Variants in RBFOX1 observed in about 807,000 individuals in gnomAD.
RBFOX1 encodes RNA binding protein fox-1 homolog 1.
In RBFOX1, 8 loss-of-function variants were observed where a neutral mutation model predicts 57.7. That is an observed-to-expected ratio of 0.14 (90% CI 0.08 to 0.25). The LOEUF is 0.25. Ranked by LOEUF, RBFOX1 falls within the 10% of genes least tolerant of loss-of-function variation. The pLI is 1.00. For synonymous variants in RBFOX1, 326 were observed against 222.4 expected (o/e 1.47, Z -4.15); for missense variants, 611 against 548.5 (o/e 1.11, Z -1.14).
chr16:6,195,728 A>G (rs1466804377), intron 1 of RBFOX1, among the ~76,000 whole-genome samples: 2 of 142,290 alleles, frequency 1.4e-5, no homozygotes, highest in African/African-American at 2.6e-5. Context: ...TTTAAAAAAG[A>G]AAAAAAAAAA....
chr16:5,790,156 G>C lies in RBFOX1; in HGVS notation c.319-77147G>C, dbSNP rs143783862. 5.9e-3 allele frequency among the ~76,000 whole-genome samples: 901 copies of C among 152,336 alleles called. 8 individuals are homozygous for C. Among genetic ancestry groups the C allele is most frequent in the Middle Eastern group, 0.02 (6 of 294 alleles). On this transcript the variant is annotated intron_variant, in intron 3 of 19. Transcript: ENST00000641259. The stretch of plus-strand genomic sequence containing the variant: ...AAAGAGTGCGAGGGTCTCACATGGA[G>C]AATTTGGACAGGCTGGACCTGAAAG...
At chr16:7,423,004 C>T (rs1221871719) in intron 4 of RBFOX1, 1 of 152,246 alleles carries the variant, frequency 6.6e-6, no homozygotes, top group African/African-American at 2.4e-5. Flanking sequence ...CACCCAACCT[C>T]GTGCCGGCTG....
intron 3 of RBFOX1, among the ~76,000 whole-genome samples, chr16:7,020,698 G>C (rs1029088834): frequency 6.6e-6 from 1 of 152,154 alleles, no homozygotes; most frequent in Non-Finnish European, 1.5e-5. Flanking sequence ...TCACACTGCA[G>C]AGGGAAGAGG....
At chr16:5,957,362 G>T (rs7199143) in intron 4 of RBFOX1, among the ~76,000 whole-genome samples, 397 of 152,190 alleles carry the variant, frequency 2.6e-3, no homozygotes, top group African/African-American at 9.1e-3. Context: ...TTATAGGCAT[G>T]TGCCACCATG....
At chr16:6,894,185 T>G (rs1793208906) in intron 3 of RBFOX1, among the ~76,000 whole-genome samples, 1 of 152,222 alleles carries the variant, frequency 6.6e-6, no homozygotes, top group African/African-American at 2.4e-5. Context: ...GTCTGTCCTT[T>G]TTATTCAAAG....
At chr16:6,554,815 GACACACAGAC>G (rs2097066445) in intron 2 of RBFOX1, among the ~76,000 whole-genome samples, 1 of 150,390 alleles carries the variant, frequency 6.6e-6, no homozygotes. Flanking sequence ...TAAACACACA[GACACACAGAC>G]ACACACAGAC....
At chr16:7,049,344 A>T (rs1019732289) in intron 3 of RBFOX1, among the ~76,000 whole-genome samples, 1 of 152,176 alleles carries the variant, frequency 6.6e-6, no homozygotes, top group Non-Finnish European at 1.5e-5. Flanking sequence ...ACAGTCCTAG[A>T]TGTTAAGTGT....
chr16:6,863,675 A>AC (rs1448639975), intron 3 of RBFOX1, among the ~76,000 whole-genome samples: 1 of 147,092 alleles, frequency 6.8e-6, no homozygotes, highest in African/African-American at 2.5e-5. Context: ...TTCCTTAAAA[A>AC]AAAAAAAAGA....
intron 10 of RBFOX1, among the ~76,000 whole-genome samples, chr16:7,623,349 A>G (rs1335638999): frequency 6.6e-6 from 1 of 152,142 alleles, no homozygotes; most frequent in Non-Finnish European, 1.5e-5. Context: ...AATTAATTAT[A>G]CAACTTGCCA....
At chr16:6,556,537 C>T (rs559804074) in intron 2 of RBFOX1, among the ~76,000 whole-genome samples, 4 of 152,120 alleles carry the variant, frequency 2.6e-5, no homozygotes, top group Non-Finnish European at 4.4e-5. Flanking sequence ...CAATGAAAGA[C>T]GAATCAGCCA....
intron 2 of RBFOX1, among the ~76,000 whole-genome samples, chr16:6,540,535 C>A (rs1231042904): frequency 1.4e-5 from 2 of 143,356 alleles, no homozygotes; most frequent in East Asian, 4.4e-4. Flanking sequence ...TCGCTTGAAC[C>A]TGGGAGGCCG....
chr16:7,122,284 A>G (rs1241333298), intron 4 of RBFOX1, among the ~76,000 whole-genome samples: 1 of 152,122 alleles, frequency 6.6e-6, no homozygotes, highest in Non-Finnish European at 1.5e-5. Context: ...TATATTTTGA[A>G]CTCTCAAAAC....
intron 5 of RBFOX1, among the ~76,000 whole-genome samples, chr16:7,559,628 T>C (rs1292280174): frequency 2.0e-5 from 3 of 152,222 alleles, no homozygotes; most frequent in Admixed American, 6.5e-5. Context: ...TAAACAGTGA[T>C]TGTGCTTTCC....
At chr16:6,380,045 G>A (rs1284024933) in intron 2 of RBFOX1, among the ~76,000 whole-genome samples, 1 of 152,198 alleles carries the variant, frequency 6.6e-6, no homozygotes, top group African/African-American at 2.4e-5. Context: ...GGGGTGTAAG[G>A]AAGTCCGTAG....
intron 2 of RBFOX1, among the ~76,000 whole-genome samples, chr16:6,418,062 G>C (rs1188079072): frequency 6.6e-6 from 1 of 152,202 alleles, no homozygotes; most frequent in Non-Finnish European, 1.5e-5. Flanking sequence ...AACCCAGAGG[G>C]TTCCCTCAGG....
In RBFOX1 at chr16:5,590,067, ACACACACAC is replaced by A. The variant is rs1254995741; in HGVS notation, c.259-8834_259-8826del. Among the ~76,000 whole-genome samples, 7 of 144,052 alleles carry A rather than the reference ACACACACAC, an allele frequency of 4.9e-5. No homozygotes were observed. In the East Asian group the frequency reaches 1.5e-3, roughly 31 times the overall value. 94.5% of individuals were successfully genotyped at this position (144,052 alleles called of 152,430 possible). A position where few individuals can be genotyped will look rare whatever the true frequency, so the allele number is the denominator to read the frequency against. On this transcript the variant is annotated intron_variant, in intron 2 of 2. Coordinates refer to the RBFOX1 transcript ENST00000585867. ...GTGTTACACACACACACACACACAC[ACACACACAC>A]AAAAAGGGCAGCAGGTGTTATTTGG...
intron 1 of RBFOX1, among the ~76,000 whole-genome samples, chr16:5,360,620 A>G (rs1182852214): frequency 6.6e-6 from 1 of 152,212 alleles, no homozygotes; most frequent in Non-Finnish European, 1.5e-5. Context: ...GGTAAAAATT[A>G]GAGTCTTTGG....
chr16:6,698,951 A>G (rs1409186204), intron 3 of RBFOX1, among the ~76,000 whole-genome samples: 1 of 152,222 alleles, frequency 6.6e-6, no homozygotes, highest in East Asian at 1.9e-4. Flanking sequence ...CGAAGACTCT[A>G]GAACAAGGGG....
At chr16:7,247,487 G>T (rs1413535943) in intron 4 of RBFOX1, among the ~76,000 whole-genome samples, 1 of 152,170 alleles carries the variant, frequency 6.6e-6, no homozygotes, top group Admixed American at 6.5e-5. Context: ...CTCAGTAAAT[G>T]TTAGCTAAAG....
Sources: allele counts gnomAD v4.1 joint callset (sites outside exome capture counted in the v4.1 genomes callset), GRCh38; gene constraint gnomAD v4.1.1; transcripts MANE v1.5; gene names NCBI Gene and HGNC (gene_info 2026-07-23, HGNC 2026-07-21).